TPD52: variants seen among roughly 807,000 people sequenced by gnomAD.
TPD52 encodes prostate and colon associated protein.
Under a neutral mutation model 31.3 loss-of-function variants are expected in TPD52, and 17 were observed. That is an observed-to-expected ratio of 0.54 (90% confidence interval 0.37 to 0.82). The LOEUF (loss-of-function observed/expected upper bound fraction) is 0.82. Ranked by LOEUF, TPD52 falls within the 40% of genes least tolerant of loss-of-function variation. TPD52 has a pLI of 0.00. For missense variants in TPD52, 212 were observed against 240.1 expected (o/e 0.88, Z 0.77); for synonymous variants, 83 against 89.6 (o/e 0.93, Z 0.42).
chr8:80,034,554 T>C (rs935077791), downstream of TPD52, among the ~76,000 whole-genome samples: 4 of 152,046 alleles, frequency 2.6e-5, no homozygotes, highest in East Asian at 1.9e-4. Context: ...ATTTCACCCA[T>C]AGAAATGGAT....
chr8:80,153,404 T>G (rs1011438561), intron 1 of TPD52, among the ~76,000 whole-genome samples: 1 of 152,232 alleles, frequency 6.6e-6, no homozygotes, highest in African/African-American at 2.4e-5. Context: ...TCAAGAAGGC[T>G]GGACAGGGGT....
At chr8:80,142,928 T>C (rs1809936954) in intron 1 of TPD52, among the ~76,000 whole-genome samples, 1 of 152,072 alleles carries the variant, frequency 6.6e-6, no homozygotes, top group East Asian at 1.9e-4. Context: ...ATGCACACAC[T>C]CAGGGGAAGT....
intron 1 of TPD52, among the ~76,000 whole-genome samples, chr8:80,142,695 C>T (rs138814260): frequency 6.6e-6 from 1 of 152,150 alleles, no homozygotes; most frequent in African/African-American, 2.4e-5. Context: ...GAGTGAGGCT[C>T]TGTCACAAAA....
chr8:80,032,529 C>A (rs2130282390), downstream of TPD52, among the ~76,000 whole-genome samples: 1 of 152,248 alleles, frequency 6.6e-6, no homozygotes, highest in Non-Finnish European at 1.5e-5. Flanking sequence ...CACAGTGAGA[C>A]CCCCACCTCA....
intron 1 of TPD52, among the ~76,000 whole-genome samples, chr8:80,106,481 A>T (rs992945509): frequency 6.7e-6 from 1 of 150,346 alleles, no homozygotes; most frequent in African/African-American, 2.4e-5. Flanking sequence ...CTCAGCCTCC[A>T]GAGTAGCTGA....
intron 1 of TPD52, among the ~76,000 whole-genome samples, chr8:80,142,362 G>A (rs111994762): frequency 1.3e-5 from 2 of 152,146 alleles, no homozygotes; most frequent in Non-Finnish European, 2.9e-5. Flanking sequence ...AGGTTGGGCT[G>A]GTCCACAGTA....
At chr8:80,096,982 G>A (rs1014089063) in intron 1 of TPD52, among the ~76,000 whole-genome samples, 4 of 152,168 alleles carry the variant, frequency 2.6e-5, no homozygotes, top group South Asian at 4.1e-4. Context: ...AAACCAGACC[G>A]CCTGCACCTG....
chr8:80,155,127 A>G (rs973272874), intron 1 of TPD52, among the ~76,000 whole-genome samples: 1 of 151,644 alleles, frequency 6.6e-6, no homozygotes, highest in Non-Finnish European at 1.5e-5. Flanking sequence ...CCTCCCAAGT[A>G]GCTAGGATTA....
intron 7 of TPD52, among the ~76,000 whole-genome samples, chr8:80,039,042 A>T (rs1053621466): frequency 1.2e-4 from 19 of 152,352 alleles, no homozygotes; most frequent in African/African-American, 4.3e-4. Context: ...TAACAGTAAG[A>T]AAACAGTCAG....
At chr8:80,112,221 T>C (rs1807546111) in intron 1 of TPD52, among the ~76,000 whole-genome samples, 1 of 152,256 alleles carries the variant, frequency 6.6e-6, no homozygotes, top group Non-Finnish European at 1.5e-5. Context: ...AGCAGTGCTC[T>C]AGCACTTCAC....
chr8:80,052,371 C>T (rs1811464045), intron 3 of TPD52, among the ~76,000 whole-genome samples: 1 of 152,120 alleles, frequency 6.6e-6, no homozygotes, highest in African/African-American at 2.4e-5. Context: ...AAACAATTCC[C>T]ACATTATGGG....
intron 1 of TPD52, among the ~76,000 whole-genome samples, chr8:80,168,760 G>T (rs1374678793): frequency 6.6e-6 from 1 of 152,198 alleles, no homozygotes; most frequent in Non-Finnish European, 1.5e-5. Context: ...TGCTTCTTGA[G>T]AATAGACAGG....
intron 2 of TPD52, among the ~76,000 whole-genome samples, chr8:80,059,234 G>T (rs1812232645): frequency 1.3e-5 from 2 of 151,936 alleles, no homozygotes; most frequent in South Asian, 2.1e-4. Context: ...AGTCACAAAG[G>T]AAATTAGAAA....
chr8:80,071,502 C>T lies in TPD52; in HGVS notation c.20-6909G>A, dbSNP rs566385492. Among the ~76,000 whole-genome samples the T allele has an allele frequency of 8.6e-4, 131 of 152,228 alleles. 1 individual carries two copies. Among genetic ancestry groups the T allele is most frequent in the Admixed American group, 5.1e-3 (78 of 15,286 alleles). On this transcript the variant is annotated intron_variant, in intron 1 of 7. Transcript: ENST00000518937. ...ACCCCCTGCAACCTTGTGGCTGCCC[C>T]TTCCACCTCCCTTCCACTAAGGACA...
At chr8:80,116,295 T>C (rs1807859428) in intron 1 of TPD52, among the ~76,000 whole-genome samples, 1 of 152,098 alleles carries the variant, frequency 6.6e-6, no homozygotes, top group African/African-American at 2.4e-5. Context: ...AAAAGCAAGG[T>C]AGAACTAAAA....
intron 1 of TPD52, among the ~76,000 whole-genome samples, chr8:80,081,476 A>AAAATAAAGGCGACT (rs1446128182): frequency 3.3e-5 from 5 of 152,194 alleles, no homozygotes; most frequent in African/African-American, 1.2e-4. Context: ...TAAGGAGGTA[A>AAAATAAAGGCGACT]AAATAAAGGC....
chr8:80,128,776 T>C (rs1808815408), intron 1 of TPD52, among the ~76,000 whole-genome samples: 1 of 151,942 alleles, frequency 6.6e-6, no homozygotes, highest in Non-Finnish European at 1.5e-5. Flanking sequence ...TAATACTGTA[T>C]CAGACAGTAT....
At chr8:80,064,003 A>T (rs1812838772) in intron 2 of TPD52, among the ~76,000 whole-genome samples, 1 of 125,226 alleles carries the variant, frequency 8.0e-6, no homozygotes, top group Non-Finnish European at 1.7e-5. Context: ...GAAGGAAGAA[A>T]GAGAGGGGAA....
chr8:80,048,706 A>G (rs1487433696), intron 5 of TPD52, among the ~76,000 whole-genome samples: 1 of 152,254 alleles, frequency 6.6e-6, no homozygotes, highest in Non-Finnish European at 1.5e-5. Flanking sequence ...CTTGGCCTTG[A>G]AATTATTTTT....
Sources: gnomAD v4.1 joint callset for allele counts (sites outside exome capture counted in the v4.1 genomes callset) on GRCh38, gnomAD v4.1.1 for gene constraint, MANE v1.5 for transcripts, NCBI Gene and HGNC (gene_info 2026-07-23, HGNC 2026-07-21) for gene names.